SLC12A3: variants seen among roughly 807,000 people sequenced by gnomAD.
The protein encoded by SLC12A3 is solute carrier family 12 member 3, also known as Na-Cl cotransporter.
In SLC12A3, 104 loss-of-function variants were observed where a neutral mutation model predicts 121.0. The ratio of observed to expected loss-of-function variants is 0.86; its 90% confidence interval spans 0.73 to 1.01. The LOEUF is 1.01. Among genes scored for constraint, SLC12A3 ranks in the 50% least tolerant of loss-of-function variants. The pLI, the probability that SLC12A3 is intolerant of heterozygous loss-of-function variation, is 0.00. For missense variants in SLC12A3, 1,328 were observed against 1,356.3 expected, an observed-to-expected ratio of 0.98 and a Z score of 0.33; for synonymous variants, 536 against 533.4, an observed-to-expected ratio of 1.00 and a Z score of -0.07.
At chr16:56,897,091 C>CAAAAAAA (rs55856347) in intron 22 of SLC12A3, among the ~76,000 whole-genome samples, 1 of 140,390 alleles carries the variant, frequency 7.1e-6, no homozygotes, top group African/African-American at 2.6e-5. Context: ...GACTCCATCT[C>CAAAAAAA]AAAAAAAAAA....
chr16:56,897,160 C>G (rs58868012), intron 22 of SLC12A3, among the ~76,000 whole-genome samples: 5,304 of 151,646 alleles, frequency 0.035, 145 homozygotes, highest in African/African-American at 0.07. Context: ...AATAGTAAGG[C>G]AGGTGGCACA....
chr16:56,902,531 G>GGGGTCCC, intron 24 of SLC12A3, 23 bp downstream of exon 24: 11 of 714,506 alleles, frequency 1.5e-5, no homozygotes, highest in East Asian at 8.3e-5. Flanking sequence ...GTGGGGGTGG[G>GGGGTCCC]AAACGCGACA....
At chr16:56,888,669 C>T (rs952006009) in intron 18 of SLC12A3, among the ~76,000 whole-genome samples, 25 of 148,062 alleles carry the variant, frequency 1.7e-4, no homozygotes, top group Non-Finnish European at 2.8e-4. Flanking sequence ...CGCCATTCTC[C>T]TGCCTCAGCC....
intron 8 of SLC12A3, 39 bp downstream of exon 8, chr16:56,872,825 C>G: frequency 6.2e-7 from 1 of 1,613,096 alleles, no homozygotes; most frequent in Non-Finnish European, 8.5e-7. Flanking sequence ...CCTGGCACTG[C>G]ACAGGGGCTA....
At chr16:56,868,519 G>T (rs1347471148) in intron 3 of SLC12A3, 147 bp downstream of exon 3, 1 of 818,104 alleles carries the variant, frequency 1.2e-6, no homozygotes, top group Admixed American at 2.0e-5. Flanking sequence ...CTCCTCCCTG[G>T]TTCAGTCTCA....
At chr16:56,872,893 C>T (rs1596896440) in intron 8 of SLC12A3, 107 bp downstream of exon 8, 5 of 1,433,688 alleles carry the variant, frequency 3.5e-6, no homozygotes, top group Non-Finnish European at 4.9e-6. Flanking sequence ...GGAGGCAGGG[C>T]TTCTAAAATC....
Position 56,872,199 on chromosome 16 carries a change from C to A in SLC12A3, c.853-152C>A, listed in dbSNP as rs181333488. The A allele has an allele frequency of 1.4e-3, 913 of 669,092 alleles. 3 individuals carry two copies. Among genetic ancestry groups the A allele is most frequent in the East Asian group, 3.4e-3 (124 of 36,810 alleles). The allele number at this position is 669,092 out of a possible 1,614,324, so 41.4% of individuals were successfully genotyped here. A position where few individuals can be genotyped will look rare whatever the true frequency, so the allele number is the denominator to read the frequency against. Reference sequence around the variant, plus strand: ...GTCTTGTTCACTGCTATATTCCCAACTCCTTGAACAGATCCTGCTGCATAA... The same window carrying A: ...GTCTTGTTCACTGCTATATTCCCAAATCCTTGAACAGATCCTGCTGCATAA... On this transcript the variant is annotated intron_variant, in intron 6 of 25. Coordinates refer to ENST00000563236, the MANE Select transcript of SLC12A3 (RefSeq NM_001126108.2).
At position 56,879,240 on chromosome 16, in the gene SLC12A3, G is replaced by C. The variant is rs767494090; in HGVS notation, c.1335+13G>C. ...CAACTATTACCAGGTACTGCCAGGAGAGCTGACCCACCAGACACAGTGGGG... is the reference window on the plus strand; with the variant it reads ...CAACTATTACCAGGTACTGCCAGGACAGCTGACCCACCAGACACAGTGGGG... On this transcript the variant is annotated intron_variant, in intron 10 of 25. Transcript: ENST00000563236. 6.2e-7 allele frequency: 1 copy of C among 1,613,744 alleles called. No individual in the cohort carries two copies. The highest frequency in any genetic ancestry group is 2.2e-5 in the East Asian group (1 of 44,882).
intron 23 of SLC12A3, among the ~76,000 whole-genome samples, chr16:56,900,358 GCAGAGA>G (rs368067927): frequency 8.9e-4 from 135 of 152,262 alleles, no homozygotes; most frequent in African/African-American, 3.1e-3. Flanking sequence ...TTGCAATGCT[GCAGAGA>G]CAGATCAGGG....
At chr16:56,888,325 G>A (rs372168749) in intron 18 of SLC12A3, among the ~76,000 whole-genome samples, 4 of 152,140 alleles carry the variant, frequency 2.6e-5, no homozygotes, top group East Asian at 3.9e-4. Flanking sequence ...GAAGAAACAC[G>A]CTGAGGCTGA....
chr16:56,887,025 A>C lies in SLC12A3; in HGVS notation c.2110A>C (p.Lys704Gln). 6.2e-7 allele frequency: 1 copy of C among 1,613,914 alleles called. No individual in the cohort carries two copies. Among genetic ancestry groups the C allele is most frequent in the South Asian group, 1.1e-5 (1 of 91,084 alleles). ...GCACACCAAGTGGCTGAACAAGAGG[A>C]AGATCAAGGCCTTCTACTCGGATGT... is the stretch of plus-strand genomic sequence containing the variant. ...NGHTKWLNKR[K>Q]IKAFYSDVIA... Residue 704 changes from lysine to glutamine, a missense_variant, in exon 17 of 26, where the codon AAG (lysine) becomes CAG (glutamine). By Grantham distance (53) the Lys-to-Gln change is moderately conservative. Transcript: ENST00000563236.
At chr16:56,911,527 G>T (rs2055685326) in intron 25 of SLC12A3, among the ~76,000 whole-genome samples, 1 of 152,138 alleles carries the variant, frequency 6.6e-6, no homozygotes, top group South Asian at 2.1e-4. Context: ...GTCTCACCAT[G>T]TTGCCCAGGC....
Position 56,882,449 on chromosome 16 carries a change from G to T in SLC12A3, c.1621G>T (p.Ala541Ser). The stretch of plus-strand genomic sequence containing the variant: ...TTCCAACTTCTTCCTCTGCTCCTAT[G>T]CCCTCATCAACTTCAGCTGCTTCCA... ...IISNFFLCSY[A>S]LINFSCFHAS... is the part of the protein sequence containing the mutation. Residue 541 changes from alanine to serine, a missense_variant, in exon 13 of 26, where the codon GCC (alanine) becomes TCC (serine). By Grantham distance (99) the Ala-to-Ser change is moderately conservative. Transcript: ENST00000563236. 1 of 1,614,042 alleles carries T rather than the reference G, an allele frequency of 6.2e-7. No individual in the cohort carries two copies. Among genetic ancestry groups the T allele is most frequent in the South Asian group, 1.1e-5 (1 of 91,070 alleles).
chr16:56,902,525 G>T lies in SLC12A3; in HGVS notation c.2856+17G>T. Reference sequence around the variant, plus strand: ...AGAGTCAAGGTGCAGAGAGGGGTGGGGGTGGGAAACGCGACACATCACTGG... The same window carrying T: ...AGAGTCAAGGTGCAGAGAGGGGTGGTGGTGGGAAACGCGACACATCACTGG... On this transcript the variant is annotated intron_variant, in intron 24 of 25. Coordinates refer to ENST00000563236, the MANE Select transcript of SLC12A3 (RefSeq NM_001126108.2). The T allele has an allele frequency of 1.9e-6, 3 of 1,578,040 alleles. No individual in the cohort carries two copies. Among genetic ancestry groups the T allele is most frequent in the South Asian group, 2.2e-5 (2 of 90,278 alleles).
chr16:56,896,638 G>A (rs8061631), intron 22 of SLC12A3, among the ~76,000 whole-genome samples: 39,153 of 152,018 alleles, frequency 0.26, 5,527 homozygotes, highest in African/African-American at 0.39. Context: ...CTGTAGTACT[G>A]GCCACTTGAG....
Position 56,880,172 on chromosome 16 carries a change from G to C in SLC12A3, c.1486G>C (p.Gly496Arg). The change falls in exon 12 of 26, where the codon GGC becomes CGC. Residue 496 changes from glycine (G) to arginine (R), a missense_variant. By Grantham distance (125) the Gly-to-Arg change is moderately radical. Transcript: ENST00000563236. Reference protein sequence around the residue: ...DQLYPLIGFFGKGYGKNKEPV... With the variant: ...DQLYPLIGFFRKGYGKNKEPV... ...GCTGTACCCACTGATCGGCTTCTTC[G>C]GCAAAGGCTATGGCAAGAACAAGGA... 1 of 1,604,936 alleles carries C rather than the reference G, an allele frequency of 6.2e-7. No individual in the cohort carries two copies. Among genetic ancestry groups the C allele is most frequent in the Non-Finnish European group, 8.5e-7 (1 of 1,176,746 alleles).
At chr16:56,873,649 A>C (rs2055130860) in intron 8 of SLC12A3, among the ~76,000 whole-genome samples, 1 of 149,448 alleles carries the variant, frequency 6.7e-6, no homozygotes, top group Admixed American at 6.7e-5. Context: ...GGGCCTCCCA[A>C]AGTGCTGGGA....
chr16:56,886,824 T>C (rs2055319042), intron 16 of SLC12A3, 129 bp from the exon 17 acceptor site: 2 of 1,268,692 alleles, frequency 1.6e-6, no homozygotes, highest in African/African-American at 1.5e-5. Context: ...TTCCCTTATC[T>C]GGGCAAAAGA....
chr16:56,896,092 G>T (rs2144751704), intron 22 of SLC12A3, among the ~76,000 whole-genome samples: 1 of 152,386 alleles, frequency 6.6e-6, no homozygotes. Flanking sequence ...GCAGCCCCGG[G>T]GGTCAGGGGC....
Sources: allele counts gnomAD v4.1 joint callset (sites outside exome capture counted in the v4.1 genomes callset), GRCh38; gene constraint gnomAD v4.1.1; transcripts MANE v1.5; gene names NCBI Gene and HGNC (gene_info 2026-07-23, HGNC 2026-07-21).